The following ACSF3 variants were observed in gnomAD, a reference collection of about 807,000 sequenced individuals.
The protein encoded by ACSF3 is malonate--CoA ligase ACSF3, mitochondrial.
In ACSF3, 78 loss-of-function variants were observed where a neutral mutation model predicts 53.2. That is an observed-to-expected ratio of 1.47 (90% CI 1.22 to 1.77). The LOEUF (loss-of-function observed/expected upper bound fraction) is 1.77. Among genes scored for constraint, ACSF3 ranks in the 40% most tolerant of loss-of-function variants. ACSF3 has a pLI of 0.00. For synonymous variants in ACSF3, 414 were observed against 333.1 expected (o/e 1.24, Z -2.65); for missense variants, 937 against 771.1 (o/e 1.22, Z -2.55).
intron 5 of ACSF3, chr16:89,113,450 G>C (rs1240310274): frequency 1.3e-5 from 2 of 152,396 alleles, no homozygotes; most frequent in Admixed American, 1.3e-4. Flanking sequence ...GGATACCCTG[G>C]GGCTGGGCAG....
chr16:89,148,844 TGAG>T, intron 10 of ACSF3: 1 of 152,328 alleles, frequency 6.6e-6, no homozygotes, highest in Non-Finnish European at 1.5e-5. Flanking sequence ...AGGCCTATGA[TGAG>T]AGGCACTTCC....
chr16:89,134,694 A>C (rs950251276), intron 8 of ACSF3, among the ~76,000 whole-genome samples: 2 of 152,230 alleles, frequency 1.3e-5, no homozygotes, highest in Non-Finnish European at 2.9e-5. Context: ...CTGAGGAGAT[A>C]GATGATTGGC....
chr16:89,107,794 C>T (rs1259682270), intron 4 of ACSF3, among the ~76,000 whole-genome samples: 5 of 152,162 alleles, frequency 3.3e-5, no homozygotes, highest in African/African-American at 9.7e-5. Flanking sequence ...AGTTCTCAAA[C>T]GTGGCTGCAT....
Position 89,154,310 on chromosome 16 carries a change from A to AC in ACSF3, c.*109dup, listed in dbSNP as rs745945296. The AC allele has an allele frequency of 3.0e-5, 33 of 1,084,598 alleles. 1 individual carries two copies. Among genetic ancestry groups the AC allele is most frequent in the East Asian group, 2.0e-4 (8 of 40,384 alleles). 67.2% of individuals were successfully genotyped at this position (1,084,598 alleles called of 1,614,324 possible). ...AAGACCTGGCCTCCCTTAAACCTGA[A>AC]CCCCCCAAATCAGGTCACGTAGAAT... On this transcript the variant is annotated 3_prime_UTR_variant, in exon 11 of 11. Coordinates refer to ENST00000614302, the MANE Select transcript of ACSF3 (RefSeq NM_001243279.3).
Position 89,154,714 on chromosome 16 carries a change from T to C in ACSF3, c.*507T>C, listed in dbSNP as rs908380503. ...GGGAGGAGCTGAGGGTTCACAAGCC[T>C]CCCAGAACCAGCCCTGTCCCATGGG... On this transcript the variant is annotated 3_prime_UTR_variant, in exon 11 of 11. Coordinates refer to ENST00000614302, the MANE Select transcript of ACSF3 (RefSeq NM_001243279.3). 19 of 453,994 alleles carry C rather than the reference T, an allele frequency of 4.2e-5. No homozygotes were observed. Among genetic ancestry groups the C allele is most frequent in the Non-Finnish European group, 8.4e-5 (19 of 226,826 alleles). The allele number at this position is 453,994 out of a possible 1,614,324, so 28.1% of individuals were successfully genotyped here. A position where few individuals can be genotyped will look rare whatever the true frequency, so the allele number is the denominator to read the frequency against.
chr16:89,145,524 C>A, intron 9 of ACSF3, 123 bp downstream of exon 9: 1 of 1,236,022 alleles, frequency 8.1e-7, no homozygotes, highest in Non-Finnish European at 1.1e-6. Flanking sequence ...CCCTGTGATG[C>A]TCACCTCTGG....
At chr16:89,126,117 G>C (rs1351955384) in intron 7 of ACSF3, among the ~76,000 whole-genome samples, 2 of 152,122 alleles carry the variant, frequency 1.3e-5, no homozygotes, top group Admixed American at 6.6e-5. Context: ...GATATACTTT[G>C]GTTTCTTCTG....
At chr16:89,141,460 C>T (rs934398046) in intron 8 of ACSF3, among the ~76,000 whole-genome samples, 3 of 152,340 alleles carry the variant, frequency 2.0e-5, no homozygotes, top group African/African-American at 4.8e-5. Context: ...AGACAAGACA[C>T]TGGCCAGAGG....
chr16:89,146,523 C>T (rs531140288), intron 10 of ACSF3, among the ~76,000 whole-genome samples: 4 of 152,324 alleles, frequency 2.6e-5, no homozygotes, highest in East Asian at 3.9e-4. Flanking sequence ...ACCCATTCTC[C>T]GTCGGCACCT....
At chr16:89,137,596 T>G (rs111381528) in intron 8 of ACSF3, among the ~76,000 whole-genome samples, 1,146 of 94,670 alleles carry the variant, frequency 0.012, no homozygotes, top group African/African-American at 0.023. Context: ...TGGGGAAGGA[T>G]TGAGGGGAAG....
chr16:89,128,972 G>GA (rs60885493), intron 7 of ACSF3, among the ~76,000 whole-genome samples: 5 of 151,176 alleles, frequency 3.3e-5, no homozygotes, highest in African/African-American at 1.2e-4. Context: ...CAAAAAGTTG[G>GA]AAAAAAAAAA....
intron 5 of ACSF3, among the ~76,000 whole-genome samples, chr16:89,112,594 T>C (rs977021016): frequency 2.0e-5 from 3 of 152,078 alleles, no homozygotes; most frequent in African/African-American, 7.2e-5. Context: ...AGACTCTCCA[T>C]CTCTGTCTTC....
intron 5 of ACSF3, among the ~76,000 whole-genome samples, chr16:89,112,460 G>A (rs1042741860): frequency 1.3e-5 from 2 of 151,638 alleles, no homozygotes; most frequent in African/African-American, 2.4e-5. Flanking sequence ...TCTCTTCCAC[G>A]TCGATAGCTG....
intron 4 of ACSF3, among the ~76,000 whole-genome samples, chr16:89,110,017 C>T (rs755332625): frequency 3.9e-5 from 6 of 152,162 alleles, no homozygotes; most frequent in South Asian, 2.1e-4. Flanking sequence ...ATTCCGGATA[C>T]GAGTCTCTTT....
At chr16:89,153,941 C>A in intron 10 of ACSF3, 149 bp from the exon 11 acceptor site, 1 of 750,058 alleles carries the variant, frequency 1.3e-6, no homozygotes, top group Non-Finnish European at 2.2e-6. Context: ...GCTGCGGTGG[C>A]CCGGTGCACC....
Position 89,156,177 on chromosome 16 carries a change from G to A in ACSF3, c.*1970G>A, listed in dbSNP as rs568978889. On this transcript the variant is annotated 3_prime_UTR_variant, in exon 11 of 11. Transcript: ENST00000614302. Reference sequence around the variant, plus strand: ...TGCTCCACCAGCCGAGAACAAGCCCGTCCTGGAGGGAACTCATCCTCTCCT... The same window carrying A: ...TGCTCCACCAGCCGAGAACAAGCCCATCCTGGAGGGAACTCATCCTCTCCT... Among the ~76,000 whole-genome samples the A allele has an allele frequency of 1.3e-5, 2 of 152,096 alleles. No individual in the cohort carries two copies. The highest frequency in any genetic ancestry group is 2.9e-5 in the Non-Finnish European group (2 of 68,006).
chr16:89,100,456 A>G (rs1044124768), intron 2 of ACSF3, among the ~76,000 whole-genome samples: 1 of 152,268 alleles, frequency 6.6e-6, no homozygotes, highest in Non-Finnish European at 1.5e-5. Context: ...GAAGTGAAAT[A>G]GAAAGCTGAG....
intron 8 of ACSF3, among the ~76,000 whole-genome samples, chr16:89,142,533 A>T (rs1209351492): frequency 2.4e-5 from 2 of 81,682 alleles, no homozygotes; most frequent in African/African-American, 1.2e-4. Context: ...ACACCTGCAG[A>T]CACACCCACA....
intron 7 of ACSF3, among the ~76,000 whole-genome samples, chr16:89,124,555 ATGTG>A (rs1382301158): frequency 2.5e-5 from 2 of 80,812 alleles, no homozygotes; most frequent in East Asian, 4.5e-4. Context: ...CACTGTATGT[ATGTG>A]TGTGAGATAC....
Sources: allele counts gnomAD v4.1 joint callset (sites outside exome capture counted in the v4.1 genomes callset), GRCh38; gene constraint gnomAD v4.1.1; transcripts MANE v1.5; gene names NCBI Gene and HGNC (gene_info 2026-07-23, HGNC 2026-07-21).